Variants in CADM2 observed in about 807,000 individuals in gnomAD.
CADM2 encodes cell adhesion molecule 2.
CADM2 carries 12 observed loss-of-function variants against 49.8 expected under a neutral mutation model. The observed-to-expected ratio is 0.24, with a 90% CI of 0.15 to 0.39. The LOEUF (loss-of-function observed/expected upper bound fraction) is 0.39. Ranked by LOEUF, CADM2 falls within the 10% of genes least tolerant of loss-of-function variation. The pLI is 1.00. For missense variants in CADM2, 378 were observed against 492.3 expected (o/e 0.77, Z 2.20); for synonymous variants, 214 against 175.4 (o/e 1.22, Z -1.74).
chr3:86,034,261 GT>G (rs1734901974), intron 8 of CADM2, among the ~76,000 whole-genome samples: 2 of 151,788 alleles, frequency 1.3e-5, no homozygotes, highest in Admixed American at 1.3e-4. Flanking sequence ...GTGATATTTT[GT>G]GTTCCCATAA....
chr3:85,098,973 A>T (rs1031392026), intron 1 of CADM2, among the ~76,000 whole-genome samples: 2 of 152,128 alleles, frequency 1.3e-5, no homozygotes, highest in Admixed American at 6.6e-5. Context: ...TTCATTTTAT[A>T]CCCATAACCC....
At position 85,175,919 on chromosome 3, in the gene CADM2, C is replaced by CTTTTT. The variant is rs11329456; in HGVS notation, c.61+216274_61+216278dup. Among the ~76,000 whole-genome samples the CTTTTT allele has an allele frequency of 5.1e-4, 39 of 76,264 alleles. 2 individuals carry two copies. Among genetic ancestry groups the CTTTTT allele is most frequent in the African/African-American group, 1.9e-3 (32 of 16,430 alleles). 50.0% of individuals were successfully genotyped at this position (76,264 alleles called of 152,430 possible). On this transcript the variant is annotated intron_variant, in intron 1 of 9. Coordinates refer to ENST00000383699, the MANE Select transcript of CADM2 (RefSeq NM_001167675.2). ...CAGTTTATCTGAGTTATGTCCTAAT[C>CTTTTT]TTTTTTTTTTTTTTTTTTTTTTTTT...
intron 2 of CADM2, among the ~76,000 whole-genome samples, chr3:85,736,669 CT>C (rs1393516387): frequency 6.6e-6 from 1 of 151,616 alleles, no homozygotes; most frequent in Non-Finnish European, 1.5e-5. Context: ...TCCTTGTTTG[CT>C]TTTTTCTTAT....
At chr3:85,461,834 A>G (rs2038260002) in intron 1 of CADM2, among the ~76,000 whole-genome samples, 1 of 152,202 alleles carries the variant, frequency 6.6e-6, no homozygotes, top group African/African-American at 2.4e-5. Context: ...ATTAATGCCA[A>G]CATCTATATC....
intron 1 of CADM2, among the ~76,000 whole-genome samples, chr3:85,366,412 AG>A (rs1465831055): frequency 6.6e-6 from 1 of 152,212 alleles, no homozygotes; most frequent in African/African-American, 2.4e-5. Flanking sequence ...TGTCAGAAGC[AG>A]TTGTATAAAA....
At chr3:85,274,935 A>C (rs994132266) in intron 1 of CADM2, among the ~76,000 whole-genome samples, 2 of 151,402 alleles carry the variant, frequency 1.3e-5, no homozygotes, top group Non-Finnish European at 3.0e-5. Flanking sequence ...CTGTGTGTAC[A>C]CGAGAGTCAA....
At chr3:85,715,158 A>C (rs895822236) in intron 1 of CADM2, among the ~76,000 whole-genome samples, 4 of 152,184 alleles carry the variant, frequency 2.6e-5, no homozygotes, top group Admixed American at 6.5e-5. Context: ...TATGACACAT[A>C]ATTTTTTACA....
intron 2 of CADM2, among the ~76,000 whole-genome samples, chr3:85,771,633 A>G (rs550401590): frequency 6.6e-6 from 1 of 152,136 alleles, no homozygotes; most frequent in East Asian, 1.9e-4. Flanking sequence ...CTAGGTAGGA[A>G]TGAACAAAGG....
At position 85,052,495 on chromosome 3, in the gene CADM2, C is replaced by T. The variant is rs141782594; in HGVS notation, c.61+92827C>T. Among the ~76,000 whole-genome samples the T allele has an allele frequency of 2.6e-5, 4 of 152,128 alleles. No homozygotes were observed. In the East Asian group the frequency reaches 5.8e-4, roughly 22 times the overall value. On this transcript the variant is annotated intron_variant, in intron 1 of 9. Coordinates refer to ENST00000383699, the MANE Select transcript of CADM2 (RefSeq NM_001167675.2). ...CTGGGGTCTTTTGATTCTGGCCACA[C>T]GGGTTCATTTTCTTTTGCAAAATAT...
At chr3:85,715,672 C>G (rs1236191841) in intron 1 of CADM2, among the ~76,000 whole-genome samples, 1 of 152,104 alleles carries the variant, frequency 6.6e-6, no homozygotes, top group Non-Finnish European at 1.5e-5. Flanking sequence ...CACCCGCTGA[C>G]AGACCCCAGT....
intron 1 of CADM2, among the ~76,000 whole-genome samples, chr3:85,405,744 G>A (rs953523954): frequency 8.6e-5 from 13 of 151,548 alleles, no homozygotes; most frequent in African/African-American, 3.2e-4. Flanking sequence ...TGGAGTACAC[G>A]TGCAGGATGT....
rs143175907 is a variant in CADM2, at chr3:85,514,654, T to A, written c.62-211868T>A. 8.7e-3 allele frequency among the ~76,000 whole-genome samples: 1,318 copies of A among 152,226 alleles called. 26 individuals carry two copies. Among genetic ancestry groups the A allele is most frequent in the African/African-American group, 0.031 (1,271 of 41,556 alleles). ...TCCAATGATATCTTGTGACCTTTTC[T>A]ATGCAAATATGAACAATTTGAGGCT... On this transcript the variant is annotated intron_variant, in intron 1 of 9. Coordinates refer to ENST00000383699, the MANE Select transcript of CADM2 (RefSeq NM_001167675.2).
chr3:85,133,945 G>A (rs2039326841), intron 1 of CADM2, among the ~76,000 whole-genome samples: 1 of 152,242 alleles, frequency 6.6e-6, no homozygotes. Flanking sequence ...GGCCGCACAG[G>A]AGCCCACGGA....
At chr3:86,050,192 C>T (rs1737177479) in intron 8 of CADM2, among the ~76,000 whole-genome samples, 1 of 152,156 alleles carries the variant, frequency 6.6e-6, no homozygotes. Context: ...GGGCTACAGG[C>T]CCCAGGCAAT....
At chr3:85,023,687 A>T (rs2034602773) in intron 1 of CADM2, among the ~76,000 whole-genome samples, 2 of 152,082 alleles carry the variant, frequency 1.3e-5, no homozygotes, top group Admixed American at 1.3e-4. Flanking sequence ...GTGTACATTA[A>T]TGTTTCAACA....
chr3:85,746,149 C>T (rs2068611625), intron 2 of CADM2, among the ~76,000 whole-genome samples: 1 of 152,158 alleles, frequency 6.6e-6, no homozygotes, highest in African/African-American at 2.4e-5. Context: ...CAAAGAGCAA[C>T]TAGAACCTCA....
chr3:85,698,728 C>T (rs2066650415), intron 1 of CADM2, among the ~76,000 whole-genome samples: 1 of 151,694 alleles, frequency 6.6e-6, no homozygotes, highest in South Asian at 2.1e-4. Flanking sequence ...CCATGCTCTA[C>T]CTTCAGCACA....
In CADM2 at chr3:85,508,289, A is replaced by G. The variant is rs186252392; in HGVS notation, c.62-218233A>G. Among the ~76,000 whole-genome samples, 6 of 152,224 alleles carry G rather than the reference A, an allele frequency of 3.9e-5. No individual in the cohort carries two copies. The East Asian group carries it at 9.7e-4, about 25-fold the overall frequency. On this transcript the variant is annotated intron_variant, in intron 1 of 9. Coordinates refer to ENST00000383699, the MANE Select transcript of CADM2 (RefSeq NM_001167675.2). ...ATATTATTAGACATTTCCCCCCCAA[A>G]ATAACCTATCCCAGTAGTCAGCAAA...
chr3:85,241,853 G>T (rs1559738833), intron 1 of CADM2, among the ~76,000 whole-genome samples: 1 of 151,406 alleles, frequency 6.6e-6, no homozygotes, highest in Non-Finnish European at 1.5e-5. Flanking sequence ...TTAAGGAAAA[G>T]GTAGAGGACG....
Sources: allele counts gnomAD v4.1 joint callset (sites outside exome capture counted in the v4.1 genomes callset), GRCh38; gene constraint gnomAD v4.1.1; transcripts MANE v1.5; gene names NCBI Gene and HGNC (gene_info 2026-07-23, HGNC 2026-07-21).